MACF1: variants seen among roughly 807,000 people sequenced by gnomAD.
The protein encoded by MACF1 is microtubule actin crosslinking factor 1.
In MACF1, 193 loss-of-function variants were observed where a neutral mutation model predicts 854.8. The observed-to-expected ratio is 0.23, with a 90% CI of 0.20 to 0.25. MACF1 has a LOEUF of 0.25. Among genes scored for constraint, MACF1 ranks in the 10% least tolerant of loss-of-function variants. The pLI is 1.00. For synonymous variants in MACF1, 3,185 were observed against 3,226.7 expected (o/e 0.99, Z 0.44); for missense variants, 7,722 against 8,929.1 (o/e 0.86, Z 5.45).
At chr1:39,477,071 A>ACACACACATATATACACTTAGTG (rs1469765880) in intron 97 of MACF1, among the ~76,000 whole-genome samples, 8 of 16,822 alleles carry the variant, frequency 4.8e-4, no homozygotes, top group Non-Finnish European at 8.3e-4. Flanking sequence ...ATATATATAT[A>ACACACACATATATACACTTAGTG]TATATATATA....
At chr1:39,290,940 G>T (rs377010030) in intron 15 of MACF1, among the ~76,000 whole-genome samples, 22 of 151,376 alleles carry the variant, frequency 1.5e-4, no homozygotes, top group East Asian at 5.8e-4. Context: ...CTCCCAAAGT[G>T]CTGGGATTAC....
intron 2 of MACF1, among the ~76,000 whole-genome samples, chr1:39,118,015 G>A (rs1036383149): frequency 1.3e-5 from 2 of 152,182 alleles, no homozygotes; most frequent in Admixed American, 6.5e-5. Context: ...TTCTAGTCAT[G>A]CAGGACCTTT....
At chr1:39,330,521 T>TA (rs1166082295) in intron 36 of MACF1, among the ~76,000 whole-genome samples, 1 of 152,174 alleles carries the variant, frequency 6.6e-6, no homozygotes, top group Non-Finnish European at 1.5e-5. Flanking sequence ...GGGGAACTGT[T>TA]ACGTGTCTTT....
rs1645072252 is a variant in MACF1, at chr1:39,484,662, C to A, written c.22343C>A (p.Thr7448Lys). The A allele has an allele frequency of 6.2e-7, 1 of 1,614,016 alleles. No homozygotes were observed. The highest frequency in any genetic ancestry group is 2.2e-5 in the East Asian group (1 of 44,880). Residue 7448 changes from threonine to lysine, a missense_variant, in exon 100 of 101, where the codon ACA (threonine) becomes AAA (lysine). Thr to Lys is a moderately conservative substitution (Grantham distance 78). Around this residue, in one of 15 missense-constraint regions of MACF1, gnomAD observed 185 missense variants for 225.7 expected, o/e 0.82. Transcript: ENST00000564288. The part of the protein sequence containing the change: ...RPTPTFHSSR[T>K]SLAGDTSNSS... ...ACACCAACTTTTCATTCTAGTCGGA[C>A]ATCCCTTGCTGGTGATACCAGCAAT...
At chr1:39,259,115 T>C (rs1328739053) in intron 6 of MACF1, among the ~76,000 whole-genome samples, 1 of 152,202 alleles carries the variant, frequency 6.6e-6, no homozygotes, top group Non-Finnish European at 1.5e-5. Context: ...ACTACAGTTA[T>C]CCCTTTGGAA....
At chr1:39,469,786 G>A (rs1251440429) in intron 97 of MACF1, among the ~76,000 whole-genome samples, 171 bp downstream of exon 97, 1 of 152,182 alleles carries the variant, frequency 6.6e-6, no homozygotes, top group African/African-American at 2.4e-5. Flanking sequence ...ATAAAATACT[G>A]TTGAGACAGT....
intron 58 of MACF1, chr1:39,412,475 C>T: frequency 6.2e-7 from 1 of 1,614,038 alleles, no homozygotes; most frequent in East Asian, 2.2e-5. Context: ...CAAGCTCCAG[C>T]ACATTTCCAC....
At chr1:39,323,066 A>C (rs535120341) in intron 33 of MACF1, 58 bp downstream of exon 33, 8 of 1,521,736 alleles carry the variant, frequency 5.3e-6, no homozygotes, top group African/African-American at 1.4e-5. Flanking sequence ...CTTAGCCAGC[A>C]CGGTGGTGTG....
intron 58 of MACF1, among the ~76,000 whole-genome samples, chr1:39,394,360 G>A (rs1381390698): frequency 2.0e-5 from 3 of 152,010 alleles, no homozygotes; most frequent in African/African-American, 7.2e-5. Context: ...GGTGGCTCAC[G>A]CCTGTAATCC....
intron 58 of MACF1, chr1:39,411,290 C>T: frequency 6.2e-7 from 1 of 1,613,998 alleles, no homozygotes; most frequent in Non-Finnish European, 8.5e-7. Context: ...GAGAAACTGT[C>T]AGACAGGGAA....
intron 2 of MACF1, among the ~76,000 whole-genome samples, chr1:39,119,393 A>G (rs545475262): frequency 6.7e-6 from 1 of 150,090 alleles, no homozygotes; most frequent in East Asian, 1.9e-4. Flanking sequence ...TCCTTAAGCC[A>G]AAACTCCATT....
intron 93 of MACF1, among the ~76,000 whole-genome samples, chr1:39,463,046 C>T (rs1178988427): frequency 6.6e-6 from 1 of 152,136 alleles, no homozygotes; most frequent in East Asian, 1.9e-4. Flanking sequence ...AGTTTTGAAG[C>T]AGGAATAAAG....
At chr1:39,101,787 G>T (rs1193521693) in intron 2 of MACF1, among the ~76,000 whole-genome samples, 1 of 148,624 alleles carries the variant, frequency 6.7e-6, no homozygotes, top group Non-Finnish European at 1.5e-5. Context: ...TCACGCCACT[G>T]CACTCCAGCC....
Position 39,331,277 on chromosome 1 carries a change from G to A in MACF1, c.4689G>A (p.Lys1563=), listed in dbSNP as rs1394405651. The A allele has an allele frequency of 6.2e-7, 1 of 1,610,856 alleles. No homozygotes were observed. Among genetic ancestry groups the A allele is most frequent in the Admixed American group, 1.7e-5 (1 of 59,664 alleles). The change falls in exon 37 of 101, where the codon AAG becomes AAA. Residue 1563 remains lysine, a synonymous_variant. Transcript: ENST00000564288. The part of the protein sequence containing the change: ...EIFPIFKAMQ[K]GLLDQDTGLV... ...TTCCCATCTTCAAAGCCATGCAAAA[G>A]GGCCTCCTTGACCAAGACACAGGCC...
At chr1:39,459,564 T>C (rs1408225716) in intron 91 of MACF1, among the ~76,000 whole-genome samples, 1 of 152,208 alleles carries the variant, frequency 6.6e-6, no homozygotes, top group Non-Finnish European at 1.5e-5. Context: ...AACAGAACTT[T>C]GGAAATTTAT....
rs750262685 is a variant in MACF1 at position 39,190,395 on chromosome 1, G to GTTTTTTTTTT, written c.221-40782_221-40781insTTTTTTTTTT. Among the ~76,000 whole-genome samples, 95 of 79,020 alleles carry GTTTTTTTTTT rather than the reference G, an allele frequency of 1.2e-3. 10 individuals are homozygous for GTTTTTTTTTT. Among genetic ancestry groups the GTTTTTTTTTT allele is most frequent in the Admixed American group, 1.6e-3 (9 of 5,524 alleles). 51.8% of individuals were successfully genotyped at this position (79,020 alleles called of 152,430 possible). ...TGTGTGTGTGTGTGTGTGTGTGTTTGTTTTTGTTTTTTTTTTTTTTTTTTG... is the reference window on the plus strand; with the variant it reads ...TGTGTGTGTGTGTGTGTGTGTGTTTGTTTTTTTTTTTTTTTGTTTTTTTTTTTTTTTTTTG... On this transcript the variant is annotated intron_variant, in intron 2 of 93. Transcript: ENST00000361689.
At chr1:39,280,496 C>A (rs1181300611) in intron 6 of MACF1, among the ~76,000 whole-genome samples, 1 of 152,082 alleles carries the variant, frequency 6.6e-6, no homozygotes, top group Non-Finnish European at 1.5e-5. Context: ...GCCAGCCCCC[C>A]TCAGGAAACG....
Position 39,429,230 on chromosome 1 carries a change from C to T in MACF1, c.16804-12C>T. Reference sequence around the variant, plus strand: ...CCACAGTTTCAGGATTAATGGTATTCTTTCCTTTCAGGCTTTAAATGAAGA... The same window carrying T: ...CCACAGTTTCAGGATTAATGGTATTTTTTCCTTTCAGGCTTTAAATGAAGA... On this transcript the variant is annotated splice_polypyrimidine_tract_variant and intron_variant, in intron 63 of 100. Coordinates refer to ENST00000564288, the MANE Select transcript of MACF1 (RefSeq NM_001394062.1). The T allele has an allele frequency of 7.3e-7, 1 of 1,377,512 alleles. No individual in the cohort carries two copies. Among genetic ancestry groups the T allele is most frequent in the African/African-American group, 1.4e-5 (1 of 69,950 alleles). 85.3% of individuals were successfully genotyped at this position (1,377,512 alleles called of 1,614,324 possible).
intron 31 of MACF1, 31 bp downstream of exon 31, chr1:39,319,778 A>C: frequency 6.8e-7 from 1 of 1,480,084 alleles, no homozygotes; most frequent in Non-Finnish European, 9.4e-7. Context: ...AAAGAACATG[A>C]ATCATCACCA....
Sources: allele counts gnomAD v4.1 joint callset (sites outside exome capture counted in the v4.1 genomes callset), GRCh38; gene constraint gnomAD v4.1.1; regional missense constraint gnomAD v4.1.1; transcripts MANE v1.5; gene names NCBI Gene and HGNC (gene_info 2026-07-23, HGNC 2026-07-21).